Variants in AKAP7 observed in about 807,000 individuals in gnomAD.
AKAP7 encodes the protein A kinase (PRKA) anchor protein 7.
AKAP7 carries 39 observed loss-of-function variants against 39.5 expected under a neutral mutation model. The observed-to-expected ratio is 0.99, with a 90% confidence interval of 0.76 to 1.29. The LOEUF is 1.29. AKAP7 is among the 50% of genes most tolerant of loss of function. The pLI, the probability that AKAP7 is intolerant of heterozygous loss-of-function variation, is 0.00. For missense variants in AKAP7, 414 were observed against 407.7 expected (o/e 1.02, Z -0.13); for synonymous variants, 140 against 139.1 (o/e 1.01, Z -0.05).
chr6:131,247,116 G>C (rs530299177), intron 7 of AKAP7, among the ~76,000 whole-genome samples: 19 of 151,700 alleles, frequency 1.3e-4, no homozygotes, highest in Non-Finnish European at 2.6e-4. Flanking sequence ...TCCAGTAAAT[G>C]TTAGGTTTTA....
In AKAP7 at chr6:131,192,683, A is replaced by G. The variant is rs1382303743; in HGVS notation, c.590-6778A>G. On this transcript the variant is annotated intron_variant, in intron 5 of 7. Coordinates refer to ENST00000431975, the MANE Select transcript of AKAP7 (RefSeq NM_016377.4). Reference sequence around the variant, plus strand: ...GTAGATTGCTTTGGGTAGTTTGGACATTTTAACAACATTGATTCTTCCAAT... The same window carrying G: ...GTAGATTGCTTTGGGTAGTTTGGACGTTTTAACAACATTGATTCTTCCAAT... 2.6e-5 allele frequency among the ~76,000 whole-genome samples: 4 copies of G among 152,182 alleles called. No homozygotes were observed. In the East Asian group the frequency reaches 5.8e-4, roughly 22 times the overall value.
intron 3 of AKAP7, among the ~76,000 whole-genome samples, chr6:131,163,637 A>T (rs192776826): frequency 1.3e-5 from 2 of 152,326 alleles, no homozygotes; most frequent in African/African-American, 4.8e-5. Flanking sequence ...TTATTAGTGG[A>T]AAATCTTGAT....
chr6:131,279,817 T>C (rs1446779348), intron 7 of AKAP7, among the ~76,000 whole-genome samples: 2 of 152,156 alleles, frequency 1.3e-5, no homozygotes, highest in Admixed American at 1.3e-4. Flanking sequence ...TAGACAGTCA[T>C]TTACAGTGTT....
In AKAP7 at chr6:131,135,508, G is replaced by A. The variant is rs1584914706; in HGVS notation, c.-256G>A. On this transcript the variant is annotated 5_prime_UTR_variant, in exon 1 of 8. Coordinates refer to ENST00000431975, the MANE Select transcript of AKAP7 (RefSeq NM_016377.4). ...TCCGGCCTGGCATGCGGGTGCTGCG[G>A]CTGCTGCGGCTGCCGCCGCCGCTGC... Among the ~76,000 whole-genome samples the A allele has an allele frequency of 1.3e-5, 2 of 149,792 alleles. No homozygotes were observed. Among genetic ancestry groups the A allele is most frequent in the Admixed American group, 6.6e-5 (1 of 15,104 alleles).
intron 7 of AKAP7, among the ~76,000 whole-genome samples, chr6:131,246,024 T>A (rs1209558034): frequency 6.6e-6 from 1 of 151,516 alleles, no homozygotes; most frequent in Admixed American, 6.6e-5. Flanking sequence ...TTTTGTAGAG[T>A]CAGAATCTTA....
chr6:131,209,502 G>A lies in AKAP7; in HGVS notation c.702+9929G>A, dbSNP rs578225591. The stretch of plus-strand genomic sequence containing the variant: ...CCTGACCTTGTGATCCACCCGCCTC[G>A]GCCTCCCAAAGTGCTGGGATTACAA... On this transcript the variant is annotated intron_variant, in intron 6 of 7. Transcript: ENST00000431975. 3.1e-3 allele frequency among the ~76,000 whole-genome samples: 476 copies of A among 152,050 alleles called. 2 individuals are homozygous for A. The highest frequency in any genetic ancestry group is 6.0e-3 in the Non-Finnish European group (411 of 67,972).
intron 7 of AKAP7, among the ~76,000 whole-genome samples, chr6:131,241,627 G>GTGTATATATATATATA: frequency 2.2e-4 from 19 of 86,638 alleles, no homozygotes; most frequent in African/African-American, 8.5e-4. Context: ...GTGTGTGTGT[G>GTGTATATATATATATA]TATATATATA....
At position 131,281,382 on chromosome 6, in the gene AKAP7, C is replaced by T. The variant is rs1815177727; in HGVS notation, c.851-148C>T. On this transcript the variant is annotated intron_variant, in intron 7 of 7. Transcript: ENST00000431975. The surrounding 1 kb of genome is among the most constrained non-coding windows in gnomAD (Gnocchi z 4.0). ...AGACAGGCTCCTGCTTCTGCAAATA[C>T]CAAATGAAAAGCCAACCCACTGTTC... 1.8e-6 allele frequency: 1 copy of T among 568,278 alleles called. No homozygotes were observed. Among genetic ancestry groups the T allele is most frequent in the Admixed American group, 3.8e-5 (1 of 26,250 alleles). The allele number at this position is 568,278 out of a possible 1,614,324, so 35.2% of individuals were successfully genotyped here.
intron 5 of AKAP7, chr6:131,184,751 C>G: frequency 1.9e-6 from 2 of 1,042,242 alleles, no homozygotes; most frequent in South Asian, 1.3e-5. Flanking sequence ...CTCTGGGAAA[C>G]AGGAGTGGGT....
chr6:131,211,708 G>A (rs1282149161), intron 6 of AKAP7, among the ~76,000 whole-genome samples: 6 of 149,410 alleles, frequency 4.0e-5, no homozygotes, highest in Non-Finnish European at 8.9e-5. Flanking sequence ...GGGAGACGGA[G>A]GTTGCAGTGA....
chr6:131,242,103 G>A, intron 7 of AKAP7: 1 of 983,300 alleles, frequency 1.0e-6, no homozygotes, highest in Non-Finnish European at 1.2e-6. Context: ...GGGACTGAGT[G>A]TGAGCAACTG....
chr6:131,261,834 A>G (rs1464184045), intron 7 of AKAP7, among the ~76,000 whole-genome samples: 1 of 152,202 alleles, frequency 6.6e-6, no homozygotes, highest in African/African-American at 2.4e-5. Context: ...TAACCAAGAA[A>G]ATAGAAACTA....
At chr6:131,231,309 T>C (rs1470262015) in intron 7 of AKAP7, among the ~76,000 whole-genome samples, 2 of 152,132 alleles carry the variant, frequency 1.3e-5, no homozygotes, top group African/African-American at 4.8e-5. Context: ...GAAATAGATA[T>C]TATGTAATAC....
intron 7 of AKAP7, among the ~76,000 whole-genome samples, chr6:131,250,965 C>A (rs764991358): frequency 2.0e-5 from 3 of 152,182 alleles, no homozygotes; most frequent in Non-Finnish European, 4.4e-5. Context: ...ACTGTACAAG[C>A]CAGACTTTAT....
intron 7 of AKAP7, among the ~76,000 whole-genome samples, chr6:131,262,552 A>G (rs1813435982): frequency 6.6e-6 from 1 of 152,194 alleles, no homozygotes; most frequent in South Asian, 2.1e-4. Flanking sequence ...TTTCACAATA[A>G]AATTCCATAA....
intron 7 of AKAP7, among the ~76,000 whole-genome samples, chr6:131,274,207 A>AT (rs1398870861): frequency 3.3e-5 from 5 of 151,398 alleles, no homozygotes; most frequent in African/African-American, 1.2e-4. Flanking sequence ...CCTTGGTGTG[A>AT]TTTTCTTCAC....
Position 131,233,604 on chromosome 6 carries a change from A to T in AKAP7, c.850+13796A>T, listed in dbSNP as rs115923017. On this transcript the variant is annotated intron_variant, in intron 7 of 7. Transcript: ENST00000431975. The stretch of plus-strand genomic sequence containing the variant: ...GAAAAACAAGGCTTAAGAGTGACTT[A>T]TGGTAGGGTTAGTCTAAGAAAATGT... 7.2e-4 allele frequency among the ~76,000 whole-genome samples: 109 copies of T among 152,278 alleles called. 1 individual carries two copies. Among genetic ancestry groups the T allele is most frequent in the African/African-American group, 2.5e-3 (104 of 41,562 alleles).
intron 1 of AKAP7, among the ~76,000 whole-genome samples, chr6:131,142,728 A>G (rs1170779884): frequency 1.3e-5 from 2 of 152,232 alleles, no homozygotes; most frequent in African/African-American, 4.8e-5. Context: ...TCCAGACCCA[A>G]GAATGATACA....
intron 2 of AKAP7, among the ~76,000 whole-genome samples, chr6:131,148,727 T>C (rs966053764): frequency 4.6e-5 from 7 of 152,156 alleles, no homozygotes; most frequent in African/African-American, 1.7e-4. Flanking sequence ...TTTATAGGAA[T>C]GTACAAAAAC....
Sources: gnomAD v4.1 joint callset for allele counts (sites outside exome capture counted in the v4.1 genomes callset) on GRCh38, gnomAD v4.1.1 for gene constraint, Gnocchi (gnomAD v3.1) non-coding constraint, MANE v1.5 for transcripts, NCBI Gene and HGNC (gene_info 2026-07-23, HGNC 2026-07-21) for gene names.